The following OPCML variants were observed in gnomAD, a reference collection of about 807,000 sequenced individuals.
OPCML encodes the protein opioid binding protein/cell adhesion molecule like, also known as opioid-binding protein/cell adhesion molecule.
In OPCML, 13 loss-of-function variants were observed where a neutral mutation model predicts 37.8. The observed-to-expected ratio is 0.34, with a 90% confidence interval of 0.22 to 0.55. The LOEUF (loss-of-function observed/expected upper bound fraction) is 0.55. Ranked by LOEUF, OPCML falls within the 20% of genes least tolerant of loss-of-function variation. The probability of loss-of-function intolerance (pLI) is 0.91; values close to 1 mark genes in which losing one functional copy is unlikely to be tolerated. For missense variants in OPCML, 341 were observed against 435.6 expected (o/e 0.78, Z 1.93); for synonymous variants, 176 against 168.8 (o/e 1.04, Z -0.33).
chr11:132,420,088 C>A lies in OPCML; in HGVS notation c.*105G>T. 2.6e-4 allele frequency: 167 copies of A among 642,310 alleles called. No homozygotes were observed. The highest frequency in any genetic ancestry group is 1.3e-3 in the South Asian group (41 of 31,228). 39.8% of individuals were successfully genotyped at this position (642,310 alleles called of 1,614,324 possible). On this transcript the variant is annotated 3_prime_UTR_variant, in exon 8 of 8. Coordinates refer to ENST00000524381, the MANE Select transcript of OPCML (RefSeq NM_001012393.5). ...CAAAAAGAAAACAAATCTAGAATAA[C>A]AGAAAAAAACAAAAAGAAGCCCAAG...
chr11:132,421,158 T>C (rs1015634339), intron 7 of OPCML, among the ~76,000 whole-genome samples: 2 of 152,140 alleles, frequency 1.3e-5, no homozygotes, highest in African/African-American at 4.8e-5. Flanking sequence ...AGGGCAGGTG[T>C]ATCTAACTTG....
chr11:132,958,389 A>G (rs2336466), intron 1 of OPCML, among the ~76,000 whole-genome samples: 45,180 of 152,178 alleles, frequency 0.3, 8,482 homozygotes, highest in East Asian at 0.65. Flanking sequence ...TTTTTATAAC[A>G]TAGAAGTACA....
intron 2 of OPCML, among the ~76,000 whole-genome samples, chr11:132,701,609 T>C (rs1943819593): frequency 6.6e-6 from 1 of 152,200 alleles, no homozygotes; most frequent in Non-Finnish European, 1.5e-5. Flanking sequence ...TCAGCCACTC[T>C]ATGTCTTTTG....
At chr11:133,278,038 T>G (rs1247853502) in intron 1 of OPCML, among the ~76,000 whole-genome samples, 1 of 152,160 alleles carries the variant, frequency 6.6e-6, no homozygotes, top group African/African-American at 2.4e-5. Flanking sequence ...GTAAGTGAGA[T>G]TCTATCAGCA....
chr11:132,880,167 CAATTTGTA>C (rs1394508732), intron 2 of OPCML, among the ~76,000 whole-genome samples: 2 of 152,028 alleles, frequency 1.3e-5, no homozygotes, highest in African/African-American at 4.8e-5. Context: ...TTTTTCTAAT[CAATTTGTA>C]AAGCCAGGAA....
At chr11:133,204,104 AC>A (rs1437491952) in intron 1 of OPCML, among the ~76,000 whole-genome samples, 1 of 148,114 alleles carries the variant, frequency 6.8e-6, no homozygotes, top group Non-Finnish European at 1.5e-5. Context: ...AGGACAAGGG[AC>A]CTTTTTTGTC....
intron 1 of OPCML, among the ~76,000 whole-genome samples, chr11:133,074,042 G>A (rs147982749): frequency 6.6e-6 from 1 of 152,222 alleles, no homozygotes; most frequent in African/African-American, 2.4e-5. Context: ...CTACATGAAT[G>A]CCTCCAGTAA....
chr11:133,247,185 A>G (rs1940953481), intron 1 of OPCML, among the ~76,000 whole-genome samples: 1 of 152,220 alleles, frequency 6.6e-6, no homozygotes, highest in South Asian at 2.1e-4. Flanking sequence ...AAAGAGAAGC[A>G]AAAATAATAC....
At chr11:132,990,166 A>G (rs959587886) in intron 1 of OPCML, among the ~76,000 whole-genome samples, 4 of 152,176 alleles carry the variant, frequency 2.6e-5, no homozygotes, top group African/African-American at 9.7e-5. Context: ...GTCATTCCAG[A>G]AAGATGCTTT....
intron 2 of OPCML, among the ~76,000 whole-genome samples, chr11:132,813,512 C>T (rs923682106): frequency 2.0e-5 from 3 of 152,184 alleles, no homozygotes. Flanking sequence ...ATCATCAGCA[C>T]CACGGTGCCA....
intron 1 of OPCML, among the ~76,000 whole-genome samples, chr11:132,964,948 G>C (rs1946181208): frequency 6.6e-6 from 1 of 152,178 alleles, no homozygotes; most frequent in Admixed American, 6.5e-5. Flanking sequence ...TCAAATCTCT[G>C]CATTCCTTAT....
At chr11:133,450,381 C>T (rs1332989035) in intron 1 of OPCML, among the ~76,000 whole-genome samples, 1 of 151,416 alleles carries the variant, frequency 6.6e-6, no homozygotes, top group East Asian at 1.9e-4. Flanking sequence ...ATCAATGACA[C>T]ATCGGTACAA....
intron 1 of OPCML, among the ~76,000 whole-genome samples, chr11:133,480,578 G>C (rs1468133921): frequency 6.6e-6 from 1 of 152,198 alleles, no homozygotes; most frequent in East Asian, 1.9e-4. Flanking sequence ...TCAGGCTCTT[G>C]TTCTGACTGT....
chr11:133,212,685 C>G lies in OPCML; in HGVS notation c.62-269675G>C, dbSNP rs559507131. ...TGTTATTGTCTGTCCTCTGCTAGAA[C>G]AGAGGCTCCATGATTATATGGCTCT... On this transcript the variant is annotated intron_variant, in intron 1 of 7. Transcript: ENST00000524381. This position sits in a 1 kb window ranked among gnomAD's most constrained non-coding sequence, Gnocchi z 4.9. Among the ~76,000 whole-genome samples the G allele has an allele frequency of 6.6e-6, 1 of 152,234 alleles. No homozygotes were observed. The highest frequency in any genetic ancestry group is 1.5e-5 in the Non-Finnish European group (1 of 68,042).
intron 1 of OPCML, among the ~76,000 whole-genome samples, chr11:133,189,172 G>A (rs1043602069): frequency 4.6e-5 from 7 of 152,076 alleles, no homozygotes; most frequent in Admixed American, 4.6e-4. Flanking sequence ...CCATCACTAT[G>A]TCCTGGTTCT....
intron 1 of OPCML, chr11:133,026,302 G>C: frequency 4.5e-6 from 4 of 884,854 alleles, no homozygotes; most frequent in Non-Finnish European, 5.4e-6. Context: ...TTGGGGTTTG[G>C]GCTTGTTCAG....
intron 2 of OPCML, among the ~76,000 whole-genome samples, chr11:132,740,018 GA>G (rs1164286049): frequency 2.6e-5 from 4 of 151,966 alleles, no homozygotes; most frequent in East Asian, 1.9e-4. Flanking sequence ...GTGCAAAAAA[GA>G]AAAAAATATA....
intron 1 of OPCML, among the ~76,000 whole-genome samples, chr11:133,326,801 G>T (rs1350715322): frequency 2.7e-5 from 4 of 146,372 alleles, no homozygotes; most frequent in Non-Finnish European, 4.5e-5. Flanking sequence ...TGGGGTGTGG[G>T]TGTGTGTACA....
At chr11:132,745,382 T>C (rs977127500) in intron 2 of OPCML, among the ~76,000 whole-genome samples, 2 of 151,958 alleles carry the variant, frequency 1.3e-5, no homozygotes, top group African/African-American at 4.8e-5. Flanking sequence ...TACTTGAGGC[T>C]CTATCAGGGA....
Sources: allele counts gnomAD v4.1 joint callset (sites outside exome capture counted in the v4.1 genomes callset), GRCh38; gene constraint gnomAD v4.1.1; non-coding constraint Gnocchi (gnomAD v3.1); transcripts MANE v1.5; gene names NCBI Gene and HGNC (gene_info 2026-07-23, HGNC 2026-07-21).